CDH13: variants seen among roughly 807,000 people sequenced by gnomAD.
CDH13 encodes cadherin 13, also known as cadherin-13.
Under a neutral mutation model 63.8 loss-of-function variants are expected in CDH13, and 24 were observed. The ratio of observed to expected loss-of-function variants is 0.38; its 90% CI spans 0.27 to 0.53. CDH13 has a LOEUF of 0.53. Among genes scored for constraint, CDH13 ranks in the 20% least tolerant of loss-of-function variants. The probability of loss-of-function intolerance (pLI) is 0.85; values close to 1 mark genes in which losing one functional copy is unlikely to be tolerated. For synonymous variants in CDH13, 503 were observed against 355.3 expected, an observed-to-expected ratio of 1.42 and a Z score of -4.67; for missense variants, 1,049 against 903.1, an observed-to-expected ratio of 1.16 and a Z score of -2.07.
chr16:83,418,001 T>C (rs9319442), intron 6 of CDH13, among the ~76,000 whole-genome samples: 72,902 of 151,920 alleles, frequency 0.48, 17,993 homozygotes, highest in East Asian at 0.63. Flanking sequence ...GGAAAATGTG[T>C]CTTTTCTGTT....
Position 83,199,338 on chromosome 16 carries a change from G to T in CDH13, c.484-18007G>T, listed in dbSNP as rs115188031. On this transcript the variant is annotated intron_variant, in intron 4 of 13. Transcript: ENST00000567109. ...TGCTCCTTGAGGAGATGTCTAAGCTGTTAGGACTTTGTTATCCAGGAGTTG... is the reference window on the plus strand; with the variant it reads ...TGCTCCTTGAGGAGATGTCTAAGCTTTTAGGACTTTGTTATCCAGGAGTTG... Among the ~76,000 whole-genome samples the T allele has an allele frequency of 7.1e-3, 1,089 of 152,328 alleles. 11 individuals carry two copies. The highest frequency in any genetic ancestry group is 0.024 in the African/African-American group (1,017 of 41,568).
intron 10 of CDH13, chr16:83,729,003 G>A (rs1422291188): frequency 3.3e-5 from 5 of 152,572 alleles, no homozygotes; most frequent in Non-Finnish European, 1.5e-5. Context: ...CATGTACCTG[G>A]AGGGTGGGGA....
chr16:83,181,451 G>T (rs967946325), intron 4 of CDH13, among the ~76,000 whole-genome samples: 1 of 152,174 alleles, frequency 6.6e-6, no homozygotes, highest in African/African-American at 2.4e-5. Flanking sequence ...CAGAAGTCCC[G>T]TCAAGTTGGA....
chr16:83,503,518 G>C lies in CDH13; in HGVS notation c.960+16863G>C, dbSNP rs1164456021. On this transcript the variant is annotated intron_variant, in intron 7 of 13. Coordinates refer to ENST00000567109, the MANE Select transcript of CDH13 (RefSeq NM_001257.5). Reference sequence around the variant, plus strand: ...GAAAGGAGGAAAGGAGACATAGCTAGGGAGATGCCACTCAGCAATCAGAAA... The same window carrying C: ...GAAAGGAGGAAAGGAGACATAGCTACGGAGATGCCACTCAGCAATCAGAAA... Among the ~76,000 whole-genome samples the C allele has an allele frequency of 2.2e-4, 33 of 152,226 alleles. 1 individual carries two copies. Among genetic ancestry groups the C allele is most frequent in the Non-Finnish European group, 2.9e-5 (2 of 68,008 alleles).
intron 7 of CDH13, among the ~76,000 whole-genome samples, chr16:83,513,261 C>T (rs903846452): frequency 4.6e-5 from 7 of 152,200 alleles, no homozygotes; most frequent in East Asian, 3.9e-4. Context: ...CTGAGTCAGC[C>T]GCTGACTCAG....
At chr16:83,715,871 G>A (rs774265086) in intron 10 of CDH13, among the ~76,000 whole-genome samples, 4 of 152,246 alleles carry the variant, frequency 2.6e-5, no homozygotes, top group Non-Finnish European at 5.9e-5. Context: ...GAAGGAAGAC[G>A]AAATGCCTTC....
chr16:83,664,447 A>G lies in CDH13; in HGVS notation c.1102-6343A>G, dbSNP rs186310790. ...AAAACATTGAATGAGCTTTATGTAG[A>G]ACTCTGTACTGTATACTGTTTAAAA... On this transcript the variant is annotated intron_variant, in intron 8 of 13. Coordinates refer to ENST00000567109, the MANE Select transcript of CDH13 (RefSeq NM_001257.5). Among the ~76,000 whole-genome samples, 7 of 151,908 alleles carry G rather than the reference A, an allele frequency of 4.6e-5. No homozygotes were observed. The East Asian group carries it at 1.2e-3, about 25-fold the overall frequency.
chr16:82,627,686 G>A (rs1196164857), intron 1 of CDH13, among the ~76,000 whole-genome samples: 2 of 152,074 alleles, frequency 1.3e-5, no homozygotes, highest in African/African-American at 4.8e-5. Context: ...AAGGCGCCTC[G>A]GGGCAGCAGA....
At chr16:83,254,507 G>C (rs1347649298) in intron 5 of CDH13, among the ~76,000 whole-genome samples, 1 of 152,126 alleles carries the variant, frequency 6.6e-6, no homozygotes, top group Non-Finnish European at 1.5e-5. Context: ...CAAATGTGTG[G>C]TTCTACCATA....
chr16:83,750,730 C>G (rs550543728), intron 11 of CDH13, among the ~76,000 whole-genome samples: 1 of 152,200 alleles, frequency 6.6e-6, no homozygotes, highest in Non-Finnish European at 1.5e-5. Flanking sequence ...CTTCCAGCAG[C>G]TGGGGGAGAG....
chr16:83,171,542 G>A lies in CDH13; in HGVS notation c.484-45803G>A, dbSNP rs975383479. The A allele has an allele frequency of 1.4e-5, 22 of 1,534,486 alleles. No homozygotes were observed. The East Asian group carries it at 5.4e-4, about 37-fold the overall frequency. ...TTCAGATGAAGATTTGGCAAGTTCT[G>A]TGCCTAGCACGATGGCTGACATGAG... On this transcript the variant is annotated intron_variant, in intron 4 of 13. Transcript: ENST00000567109.
At chr16:82,827,126 G>T (rs2038293390) in intron 1 of CDH13, among the ~76,000 whole-genome samples, 1 of 152,152 alleles carries the variant, frequency 6.6e-6, no homozygotes, top group Non-Finnish European at 1.5e-5. Context: ...TTCTGCTAGT[G>T]CTAATTATTT....
At chr16:83,158,783 C>T (rs1422760397) in intron 4 of CDH13, among the ~76,000 whole-genome samples, 1 of 152,208 alleles carries the variant, frequency 6.6e-6, no homozygotes, top group Non-Finnish European at 1.5e-5. Context: ...GCTTCTGGCT[C>T]TTGCCCTGAG....
At chr16:83,005,192 G>A (rs925564182) in intron 2 of CDH13, among the ~76,000 whole-genome samples, 2 of 152,088 alleles carry the variant, frequency 1.3e-5, no homozygotes, top group Non-Finnish European at 2.9e-5. Context: ...TTTCTGCCAG[G>A]GCTTTAACCG....
chr16:83,524,748 G>A (rs1046447749), intron 7 of CDH13, among the ~76,000 whole-genome samples: 7 of 151,998 alleles, frequency 4.6e-5, no homozygotes, highest in Admixed American at 3.3e-4. Context: ...CACCTCGCCC[G>A]GCCAAATTGC....
chr16:82,796,930 G>T (rs1018313648), intron 1 of CDH13, among the ~76,000 whole-genome samples: 2 of 152,134 alleles, frequency 1.3e-5, no homozygotes, highest in African/African-American at 4.8e-5. Flanking sequence ...CAGATTACAT[G>T]GGTAAGTTTG....
chr16:83,755,418 C>T (rs2150980988), intron 11 of CDH13, among the ~76,000 whole-genome samples: 1 of 152,202 alleles, frequency 6.6e-6, no homozygotes, highest in East Asian at 1.9e-4. Context: ...TTTTCCAAAA[C>T]TGATGAAAGA....
chr16:82,828,356 G>A lies in CDH13; in HGVS notation c.46-30006G>A, dbSNP rs532284388. On this transcript the variant is annotated intron_variant, in intron 1 of 13. Transcript: ENST00000567109. ...CCTCTGGCCGAGTGTGGTGGCTCAC[G>A]CCTGTAATCCCAAGACTTTGGGAGG... is the stretch of plus-strand genomic sequence containing the variant. Among the ~76,000 whole-genome samples the A allele has an allele frequency of 1.1e-4, 17 of 152,226 alleles. No individual in the cohort carries two copies. The South Asian group carries it at 1.9e-3, about 17-fold the overall frequency.
chr16:82,670,315 G>T (rs906420740), intron 1 of CDH13, among the ~76,000 whole-genome samples: 4 of 152,224 alleles, frequency 2.6e-5, no homozygotes, highest in Admixed American at 1.3e-4. Flanking sequence ...AACAATGGCT[G>T]CTCTTAAGAG....
Sources: gnomAD v4.1 joint callset for allele counts (sites outside exome capture counted in the v4.1 genomes callset) on GRCh38, gnomAD v4.1.1 for gene constraint, MANE v1.5 for transcripts, NCBI Gene and HGNC (gene_info 2026-07-23, HGNC 2026-07-21) for gene names.